Variants in ANK3 observed in about 807,000 individuals in gnomAD.
ANK3 encodes ankyrin-3.
ANK3 carries 57 observed loss-of-function variants against 370.9 expected under a neutral mutation model. The ratio of observed to expected loss-of-function variants is 0.15; its 90% CI spans 0.12 to 0.19. The LOEUF is 0.19. ANK3 is among the 10% of genes least tolerant of loss of function. The pLI is 1.00. For synonymous variants in ANK3, 1,929 were observed against 1,946.3 expected (o/e 0.99, Z 0.23); for missense variants, 4,439 against 5,302.1 (o/e 0.84, Z 5.06).
intron 1 of ANK3, among the ~76,000 whole-genome samples, chr10:60,658,912 A>G (rs74887525): frequency 1.4e-5 from 2 of 147,112 alleles, no homozygotes; most frequent in Non-Finnish European, 3.0e-5. Context: ...GAAAGGAAAG[A>G]AAAGGAAAGG....
At chr10:60,402,343 A>T (rs1268855914) in intron 2 of ANK3, among the ~76,000 whole-genome samples, 1 of 152,222 alleles carries the variant, frequency 6.6e-6, no homozygotes. Flanking sequence ...ATGAGACACC[A>T]AAGAATTTAC....
intron 28 of ANK3, among the ~76,000 whole-genome samples, chr10:60,089,540 C>G (rs1459781124): frequency 6.7e-6 from 1 of 148,952 alleles, no homozygotes; most frequent in East Asian, 2.0e-4. Context: ...AAATTTTATG[C>G]ATAATTCTGG....
chr10:60,132,006 G>C (rs554303120), intron 25 of ANK3, among the ~76,000 whole-genome samples: 1 of 152,266 alleles, frequency 6.6e-6, no homozygotes, highest in African/African-American at 2.4e-5. Context: ...GGTCTCCTTA[G>C]AGTGTAGAGA....
At chr10:60,280,771 G>A (rs1047085775) in intron 1 of ANK3, among the ~76,000 whole-genome samples, 1 of 152,222 alleles carries the variant, frequency 6.6e-6, no homozygotes, top group African/African-American at 2.4e-5. Flanking sequence ...TCTTCTTTCA[G>A]CAATATGGTA....
chr10:60,690,740 A>G (rs961984530), intron 1 of ANK3, among the ~76,000 whole-genome samples: 1 of 152,206 alleles, frequency 6.6e-6, no homozygotes, highest in Non-Finnish European at 1.5e-5. Context: ...CCAACCATGT[A>G]TGACCTACCA....
chr10:60,074,003 A>G lies in ANK3; in HGVS notation c.6878T>C (p.Leu2293Pro), dbSNP rs1351143249. 6.2e-7 allele frequency: 1 copy of G among 1,614,080 alleles called. No individual in the cohort carries two copies. The highest frequency in any genetic ancestry group is 8.5e-7 in the Non-Finnish European group (1 of 1,179,984). ...AGACACTGCCGACTTATGTTCAAACAGACCTGCCAGTTCTTTGGAAGGATC... is the reference window on the plus strand; with the variant it reads ...AGACACTGCCGACTTATGTTCAAACGGACCTGCCAGTTCTTTGGAAGGATC... The part of the protein sequence containing the change: ...GRDPSKELAG[L>P]FEHKSAVSPD... Residue 2293 changes from leucine to proline, a missense_variant, in exon 37 of 44, where the codon CTG becomes CCG. Leu to Pro is a moderately conservative substitution (Grantham distance 98). Around this residue, in one of 13 missense-constraint regions of ANK3, gnomAD observed 1,601 missense variants for 1,731.7 expected, o/e 0.92. Transcript: ENST00000280772.
intron 28 of ANK3, among the ~76,000 whole-genome samples, chr10:60,101,537 C>A (rs2091260993): frequency 6.6e-6 from 1 of 152,082 alleles, no homozygotes; most frequent in African/African-American, 2.4e-5. Context: ...TTTTTCTTGG[C>A]TGAGAAAACA....
chr10:60,257,866 CT>C (rs2097760034), intron 7 of ANK3, among the ~76,000 whole-genome samples: 1 of 152,150 alleles, frequency 6.6e-6, no homozygotes, highest in South Asian at 2.1e-4. Context: ...AATGGCAAGA[CT>C]AACAGAAGAA....
chr10:60,676,808 A>C (rs1207716246), intron 1 of ANK3, among the ~76,000 whole-genome samples: 7 of 152,212 alleles, frequency 4.6e-5, no homozygotes, highest in African/African-American at 1.7e-4. Context: ...TTAGAAGGAT[A>C]AGTGCTAGTG....
chr10:60,363,104 G>T (rs1015229406), intron 1 of ANK3, among the ~76,000 whole-genome samples: 3 of 151,836 alleles, frequency 2.0e-5, no homozygotes, highest in East Asian at 3.9e-4. Flanking sequence ...GGCGGGGGGC[G>T]CAATACAACA....
chr10:60,247,052 A>G (rs2097566588), intron 7 of ANK3, among the ~76,000 whole-genome samples: 1 of 152,046 alleles, frequency 6.6e-6, no homozygotes. Flanking sequence ...GTCTCGCTCT[A>G]TTGCCCAAGC....
At position 60,149,754 on chromosome 10, in the gene ANK3, G is replaced by A. The variant is rs1414065136; in HGVS notation, c.2615-10667C>T. ...GACGAAGTCTCGCTCTGTCGCCCAG[G>A]CTGGTGTGCAGTGGTACGATCTCGG... is the stretch of plus-strand genomic sequence containing the variant. On this transcript the variant is annotated intron_variant, in intron 23 of 43. Transcript: ENST00000280772. Among the ~76,000 whole-genome samples the A allele has an allele frequency of 3.9e-5, 6 of 152,240 alleles. 1 individual carries two copies. In the East Asian group the frequency reaches 1.2e-3, roughly 29 times the overall value.
intron 1 of ANK3, among the ~76,000 whole-genome samples, chr10:60,386,739 T>C (rs1324366097): frequency 6.6e-6 from 1 of 152,212 alleles, no homozygotes. Context: ...TCAAGAAAGC[T>C]TCGTCTTTGG....
chr10:60,235,223 T>G (rs1011017529), intron 7 of ANK3, among the ~76,000 whole-genome samples: 1 of 152,168 alleles, frequency 6.6e-6, no homozygotes, highest in African/African-American at 2.4e-5. Context: ...AGTGGGAGCA[T>G]CAGGTTGTCA....
At chr10:60,539,058 T>C (rs1301658638) in intron 2 of ANK3, among the ~76,000 whole-genome samples, 1 of 151,676 alleles carries the variant, frequency 6.6e-6, no homozygotes, top group Non-Finnish European at 1.5e-5. Flanking sequence ...AGATGCAGAG[T>C]AGCACAGCAT....
intron 2 of ANK3, among the ~76,000 whole-genome samples, chr10:60,481,137 G>A (rs1443129720): frequency 6.6e-6 from 1 of 152,110 alleles, no homozygotes; most frequent in Non-Finnish European, 1.5e-5. Flanking sequence ...TTCTTTTAAA[G>A]ATTAATCAAA....
chr10:60,264,716 A>T (rs2097853805), intron 5 of ANK3, among the ~76,000 whole-genome samples: 1 of 152,072 alleles, frequency 6.6e-6, no homozygotes, highest in African/African-American at 2.4e-5. Context: ...AGATGTAAAC[A>T]TTTCCACTGA....
intron 26 of ANK3, among the ~76,000 whole-genome samples, 195 bp downstream of exon 26, chr10:60,114,028 CAA>C (rs10534749): frequency 0.42 from 63,451 of 150,792 alleles, 13,583 homozygotes; most frequent in African/African-American, 0.5. Context: ...AAATTTTTCT[CAA>C]AAAAAAAACT....
Position 60,084,597 on chromosome 10 carries a change from G to C in ANK3, c.4074+5C>G. 1 of 1,611,742 alleles carries C rather than the reference G, an allele frequency of 6.2e-7. No individual in the cohort carries two copies. The highest frequency in any genetic ancestry group is 1.7e-5 in the Admixed American group (1 of 59,956). On this transcript the variant is annotated splice_donor_5th_base_variant and intron_variant, in intron 32 of 43. Coordinates refer to ENST00000280772, the MANE Select transcript of ANK3 (RefSeq NM_020987.5). ...GAAATGAACTTGTTTTTGTGAACAAGGTACCTCAATATCTTTGCTTCTTGC... is the reference window on the plus strand; with the variant it reads ...GAAATGAACTTGTTTTTGTGAACAACGTACCTCAATATCTTTGCTTCTTGC...
Sources: allele counts gnomAD v4.1 joint callset (sites outside exome capture counted in the v4.1 genomes callset), GRCh38; gene constraint gnomAD v4.1.1; regional missense constraint gnomAD v4.1.1; transcripts MANE v1.5; gene names NCBI Gene and HGNC (gene_info 2026-07-23, HGNC 2026-07-21).